SPDYA: variants seen among roughly 807,000 people sequenced by gnomAD.
The protein encoded by SPDYA is speedy protein A.
In SPDYA, 11 loss-of-function variants were observed where a neutral mutation model predicts 36.7. The observed-to-expected ratio is 0.30, with a 90% CI of 0.19 to 0.50. The LOEUF is 0.50. Among genes scored for constraint, SPDYA ranks in the 20% least tolerant of loss-of-function variants. The probability of loss-of-function intolerance (pLI) is 0.98; values close to 1 mark genes in which losing one functional copy is unlikely to be tolerated. For synonymous variants in SPDYA, 115 were observed against 118.7 expected, an observed-to-expected ratio of 0.97 and a Z score of 0.20; for missense variants, 287 against 370.9, an observed-to-expected ratio of 0.77 and a Z score of 1.86.
In SPDYA at chr2:28,815,978, GTA is replaced by G. The variant is rs1667974351; in HGVS notation, c.-18-17_-18-16del. 1.3e-6 allele frequency: 2 copies of G among 1,493,144 alleles called. No individual in the cohort carries two copies. The highest frequency in any genetic ancestry group is 1.9e-6 in the Non-Finnish European group (2 of 1,078,998). The allele number at this position is 1,493,144 out of a possible 1,614,324, so 92.5% of individuals were successfully genotyped here. On this transcript the variant is annotated splice_polypyrimidine_tract_variant and intron_variant, in intron 2 of 7. Coordinates refer to ENST00000334056, the MANE Select transcript of SPDYA (RefSeq NM_182756.4). ...AAATGAATGTGTGTGATGAATAATTGTATGTTTTATTTTTACAGGAATATTGG... is the reference window on the plus strand; with the variant it reads ...AAATGAATGTGTGTGATGAATAATTGTGTTTTATTTTTACAGGAATATTGG...
At chr2:28,847,385 T>C (rs759654324) in intron 7 of SPDYA, among the ~76,000 whole-genome samples, 5 of 151,174 alleles carry the variant, frequency 3.3e-5, no homozygotes, top group Non-Finnish European at 4.4e-5. Context: ...AGCTTCTATA[T>C]AGTCATGCGC....
chr2:28,834,043 A>C (rs1668533267), intron 6 of SPDYA, among the ~76,000 whole-genome samples: 1 of 151,512 alleles, frequency 6.6e-6, no homozygotes, highest in African/African-American at 2.4e-5. Flanking sequence ...AAATAATCCA[A>C]ATAGACATTT....
Position 28,849,996 on chromosome 2 carries a change from G to A in SPDYA, c.*55G>A, listed in dbSNP as rs1669003237. 1.4e-6 allele frequency: 2 copies of A among 1,383,856 alleles called. No individual in the cohort carries two copies. The highest frequency in any genetic ancestry group is 2.0e-6 in the Non-Finnish European group (2 of 992,568). The allele number at this position is 1,383,856 out of a possible 1,614,324, so 85.7% of individuals were successfully genotyped here. ...TTAACTACAAAATGTCAAACTAACT[G>A]CAAGACAAGTGTCAAAATGGGATGT... On this transcript the variant is annotated 3_prime_UTR_variant, in exon 8 of 8. Transcript: ENST00000334056.
chr2:28,842,411 T>C (rs1467789798), intron 7 of SPDYA: 4 of 152,252 alleles, frequency 2.6e-5, no homozygotes, highest in Admixed American at 1.3e-4. Context: ...CTCCACAGTA[T>C]AGGCCTTGAC....
At chr2:28,818,996 A>C in intron 3 of SPDYA, 52 bp from the exon 4 acceptor site, 1 of 1,395,802 alleles carries the variant, frequency 7.2e-7, no homozygotes, top group Non-Finnish European at 1.0e-6. Context: ...TAATTCTTCA[A>C]AAGGAAACAT....
intron 3 of SPDYA, among the ~76,000 whole-genome samples, chr2:28,816,706 T>C (rs1453455859): frequency 6.6e-6 from 1 of 152,204 alleles, no homozygotes; most frequent in Non-Finnish European, 1.5e-5. Context: ...TTGGGAACAT[T>C]GTTAAAAATT....
chr2:28,837,422 TA>T (rs1668631441), intron 6 of SPDYA, among the ~76,000 whole-genome samples: 1 of 152,158 alleles, frequency 6.6e-6, no homozygotes, highest in East Asian at 1.9e-4. Context: ...ATTTGGTATA[TA>T]GACATGAATG....
At position 28,811,230 on chromosome 2, in the gene SPDYA, G is replaced by C. The variant is rs1667833191; in HGVS notation, c.-93+283G>C. 1 of 152,494 alleles carries C rather than the reference G, an allele frequency of 6.6e-6. No individual in the cohort carries two copies. The highest frequency in any genetic ancestry group is 1.5e-5 in the Non-Finnish European group (1 of 68,270). The allele number at this position is 152,494 out of a possible 1,614,324, so 9.4% of individuals were successfully genotyped here. A position where few individuals can be genotyped will look rare whatever the true frequency, so the allele number is the denominator to read the frequency against. On this transcript the variant is annotated intron_variant, in intron 1 of 7. Transcript: ENST00000334056. The surrounding 1 kb of genome is among the most constrained non-coding windows in gnomAD (Gnocchi z 4.2). ...CGCCCTCCGCCCGGCGGCGTAGCGG[G>C]TGAAGGTTCCAGGGGAAGGACGGGC...
chr2:28,838,519 C>T (rs1668668293), intron 6 of SPDYA, among the ~76,000 whole-genome samples: 1 of 151,892 alleles, frequency 6.6e-6, no homozygotes, highest in South Asian at 2.1e-4. Flanking sequence ...CTCTCTTGAC[C>T]CTGGTAGTTT....
chr2:28,818,923 A>G (rs1459017873), intron 3 of SPDYA, 125 bp from the exon 4 acceptor site: 11 of 708,350 alleles, frequency 1.6e-5, no homozygotes, highest in East Asian at 1.1e-4. Flanking sequence ...ACCTTAGGCA[A>G]CACTGGTTCA....
At chr2:28,841,186 G>A (rs1035248461) in intron 7 of SPDYA, among the ~76,000 whole-genome samples, 3 of 151,692 alleles carry the variant, frequency 2.0e-5, no homozygotes, top group Non-Finnish European at 1.5e-5. Context: ...TGCCTTCCTC[G>A]GCCTCCTAAA....
chr2:28,815,216 A>G (rs944610742), intron 2 of SPDYA, among the ~76,000 whole-genome samples: 13 of 151,520 alleles, frequency 8.6e-5, no homozygotes, highest in Non-Finnish European at 1.9e-4. Context: ...CAGGAGGTCG[A>G]GGCTGCAGTG....
At chr2:28,844,171 A>AT (rs1469287806) in intron 7 of SPDYA, among the ~76,000 whole-genome samples, 1 of 152,228 alleles carries the variant, frequency 6.6e-6, no homozygotes, top group African/African-American at 2.4e-5. Flanking sequence ...ATTAGGGCAT[A>AT]TAAGTTAATA....
chr2:28,813,588 G>A (rs965238874), intron 1 of SPDYA, among the ~76,000 whole-genome samples: 1 of 146,020 alleles, frequency 6.8e-6, no homozygotes, highest in Non-Finnish European at 1.5e-5. Flanking sequence ...GTCTTGCTCT[G>A]TTGCCCAGGC....
chr2:28,840,678 CTA>C (rs1668728621), intron 7 of SPDYA: 2 of 1,312,612 alleles, frequency 1.5e-6, no homozygotes, highest in South Asian at 2.1e-5. Flanking sequence ...TTAATGTGAC[CTA>C]TGTTAAGTTG....
At chr2:28,837,953 G>A (rs926011696) in intron 6 of SPDYA, among the ~76,000 whole-genome samples, 4 of 151,192 alleles carry the variant, frequency 2.6e-5, no homozygotes, top group Non-Finnish European at 5.9e-5. Context: ...TCAAATTTTA[G>A]GAACACTGAC....
intron 4 of SPDYA, among the ~76,000 whole-genome samples, chr2:28,821,174 T>TATTAACA (rs1668146648): frequency 6.7e-6 from 1 of 148,802 alleles, no homozygotes. Flanking sequence ...GGAGTTATGA[T>TATTAACA]GTGATTTTTT....
At chr2:28,837,560 T>G (rs1668635148) in intron 6 of SPDYA, among the ~76,000 whole-genome samples, 1 of 152,164 alleles carries the variant, frequency 6.6e-6, no homozygotes, top group African/African-American at 2.4e-5. Context: ...TTTAAGAACT[T>G]TCCAGGCACT....
intron 7 of SPDYA, 45 bp from the exon 8 acceptor site, chr2:28,849,805 G>A: frequency 8.8e-7 from 1 of 1,131,788 alleles, no homozygotes; most frequent in Non-Finnish European, 1.3e-6. Flanking sequence ...TATTTAAAAT[G>A]GACAGATACA....
Sources: allele counts gnomAD v4.1 joint callset (sites outside exome capture counted in the v4.1 genomes callset), GRCh38; gene constraint gnomAD v4.1.1; non-coding constraint Gnocchi (gnomAD v3.1); transcripts MANE v1.5; gene names NCBI Gene and HGNC (gene_info 2026-07-23, HGNC 2026-07-21).